The following ARPP21 variants were observed in gnomAD, a reference collection of about 807,000 sequenced individuals.
ARPP21 encodes the protein cAMP-regulated phosphoprotein 21.
ARPP21 carries 69 observed loss-of-function variants against 113.2 expected under a neutral mutation model. That is an observed-to-expected ratio of 0.61 (90% CI 0.50 to 0.74). The LOEUF (loss-of-function observed/expected upper bound fraction) is 0.74. Ranked by LOEUF, ARPP21 falls within the 30% of genes least tolerant of loss-of-function variation. The pLI, the probability that ARPP21 is intolerant of heterozygous loss-of-function variation, is 0.00. For missense variants in ARPP21, 1,070 were observed against 1,037.4 expected, an observed-to-expected ratio of 1.03 and a Z score of -0.43; for synonymous variants, 368 against 375.5, an observed-to-expected ratio of 0.98 and a Z score of 0.23.
chr3:35,687,405 G>C (rs575070535), intron 5 of ARPP21, among the ~76,000 whole-genome samples: 279 of 150,424 alleles, frequency 1.9e-3, no homozygotes, highest in African/African-American at 6.6e-3. Flanking sequence ...TGTGATGAGA[G>C]CTTACTGATA....
intron 9 of ARPP21, among the ~76,000 whole-genome samples, chr3:35,691,561 G>C (rs2082250677): frequency 6.6e-6 from 1 of 151,502 alleles, no homozygotes; most frequent in African/African-American, 2.4e-5. Flanking sequence ...TAAAATGAGA[G>C]TTTTAAGCTA....
At chr3:35,690,175 T>C in intron 8 of ARPP21, 35 bp downstream of exon 8, 3 of 1,007,196 alleles carry the variant, frequency 3.0e-6, no homozygotes, top group Non-Finnish European at 4.8e-6. Context: ...AATTTGATCA[T>C]GTATCCTAGT....
chr3:35,740,773 A>C (rs1445277698), intron 18 of ARPP21, among the ~76,000 whole-genome samples: 1 of 151,922 alleles, frequency 6.6e-6, no homozygotes, highest in East Asian at 1.9e-4. Flanking sequence ...CAGAATGTTT[A>C]ATTAAAGATC....
intron 19 of ARPP21, among the ~76,000 whole-genome samples, chr3:35,758,227 T>C (rs2095641717): frequency 6.6e-6 from 1 of 152,014 alleles, no homozygotes; most frequent in Admixed American, 6.6e-5. Flanking sequence ...CTTGAAATAT[T>C]TCTCCATGCA....
At chr3:35,688,143 C>G (rs1307254372) in intron 6 of ARPP21, among the ~76,000 whole-genome samples, 1 of 151,516 alleles carries the variant, frequency 6.6e-6, no homozygotes, top group Non-Finnish European at 1.5e-5. Context: ...TTTTCAGTGA[C>G]AAGCTTGTAC....
At chr3:35,733,065 T>C (rs1424917795) in intron 15 of ARPP21, among the ~76,000 whole-genome samples, 1 of 152,204 alleles carries the variant, frequency 6.6e-6, no homozygotes, top group African/African-American at 2.4e-5. Flanking sequence ...AATAATTACC[T>C]TTCTTGACAG....
intron 1 of ARPP21, among the ~76,000 whole-genome samples, chr3:35,672,194 A>C (rs1575647636): frequency 6.6e-6 from 1 of 152,048 alleles, no homozygotes; most frequent in South Asian, 2.1e-4. Context: ...AATTAGTTTC[A>C]TAGCTGCTTC....
intron 19 of ARPP21, among the ~76,000 whole-genome samples, chr3:35,746,744 C>T (rs1028404023): frequency 1.3e-5 from 2 of 152,156 alleles, no homozygotes; most frequent in Non-Finnish European, 2.9e-5. Context: ...TGCTTCTTGG[C>T]GCTGTTCTTA....
At chr3:35,764,822 A>G (rs1309956885) in intron 19 of ARPP21, among the ~76,000 whole-genome samples, 3 of 152,164 alleles carry the variant, frequency 2.0e-5, no homozygotes, top group Non-Finnish European at 4.4e-5. Context: ...TAGTTCTGCC[A>G]TTTGTATATC....
At chr3:35,672,508 A>G (rs2076577598) in intron 1 of ARPP21, among the ~76,000 whole-genome samples, 1 of 152,108 alleles carries the variant, frequency 6.6e-6, no homozygotes, top group South Asian at 2.1e-4. Context: ...ATGCAGAAAC[A>G]CAGCAAAGTC....
intron 9 of ARPP21, among the ~76,000 whole-genome samples, chr3:35,699,312 C>A (rs1290831031): frequency 6.6e-6 from 1 of 151,458 alleles, no homozygotes; most frequent in Non-Finnish European, 1.5e-5. Flanking sequence ...AGAATTATGC[C>A]CAGTACCTGA....
intron 19 of ARPP21, among the ~76,000 whole-genome samples, chr3:35,752,739 G>A (rs2095442583): frequency 6.6e-6 from 1 of 152,030 alleles, no homozygotes; most frequent in Non-Finnish European, 1.5e-5. Context: ...TGTTTTGAAA[G>A]CAATGTAATA....
chr3:35,687,923 C>T (rs986314073), intron 6 of ARPP21, 40 bp downstream of exon 6: 10 of 1,553,342 alleles, frequency 6.4e-6, no homozygotes, highest in Non-Finnish European at 7.8e-6. Context: ...TCAATTTGGG[C>T]ACACACATAG....
intron 1 of ARPP21, among the ~76,000 whole-genome samples, chr3:35,655,020 A>G (rs1405580995): frequency 6.6e-6 from 1 of 151,954 alleles, no homozygotes; most frequent in Non-Finnish European, 1.5e-5. Context: ...TAATATTTAT[A>G]GGTAAATATA....
chr3:35,654,604 A>G (rs11129662), intron 1 of ARPP21, among the ~76,000 whole-genome samples: 55,226 of 151,946 alleles, frequency 0.36, 10,875 homozygotes, highest in African/African-American at 0.51. Context: ...TCTGCCAAGC[A>G]AACCAAACAC....
At chr3:35,781,896 A>T (rs2096534150) in intron 19 of ARPP21, among the ~76,000 whole-genome samples, 1 of 152,212 alleles carries the variant, frequency 6.6e-6, no homozygotes, top group African/African-American at 2.4e-5. Flanking sequence ...ACATAAATTT[A>T]TATCAAACTT....
chr3:35,642,880 G>A (rs1298606940), intron 1 of ARPP21, among the ~76,000 whole-genome samples: 1 of 152,024 alleles, frequency 6.6e-6, no homozygotes, highest in Admixed American at 6.6e-5. Flanking sequence ...TAGAATATTT[G>A]GGGTGTTTTC....
chr3:35,744,647 C>G (rs538046611), intron 19 of ARPP21: 61 of 344,800 alleles, frequency 1.8e-4, no homozygotes, highest in African/African-American at 1.3e-3. Context: ...TTGTGTCATT[C>G]CTGCTGACCA....
At chr3:35,763,511 C>T (rs1415373067) in intron 19 of ARPP21, among the ~76,000 whole-genome samples, 1 of 152,146 alleles carries the variant, frequency 6.6e-6, no homozygotes, top group African/African-American at 2.4e-5. Flanking sequence ...CTCTGCCATG[C>T]TTGTCACCAT....
Sources: gnomAD v4.1 joint callset for allele counts (sites outside exome capture counted in the v4.1 genomes callset) on GRCh38, gnomAD v4.1.1 for gene constraint, MANE v1.5 for transcripts, NCBI Gene and HGNC (gene_info 2026-07-23, HGNC 2026-07-21) for gene names.